Variants in PSD2 observed in about 807,000 individuals in gnomAD.
PSD2 encodes the protein PH and SEC7 domain-containing protein 2.
PSD2 carries 38 observed loss-of-function variants against 69.8 expected under a neutral mutation model. The ratio of observed to expected loss-of-function variants is 0.54; its 90% CI spans 0.42 to 0.71. PSD2 has a LOEUF of 0.71. Among genes scored for constraint, PSD2 ranks in the 30% least tolerant of loss-of-function variants. The pLI is 0.00. For synonymous variants in PSD2, 412 were observed against 423.0 expected (o/e 0.97, Z 0.32); for missense variants, 943 against 1,014.5 (o/e 0.93, Z 0.96).
At chr5:139,785,996 G>A in the PSD2 span, among the ~76,000 whole-genome samples, 1 of 152,164 alleles carries the variant, frequency 6.6e-6, no homozygotes, top group African/African-American at 2.4e-5. Context: ...GGCTGAGGCA[G>A]GAGGATCCCT....
chr5:139,832,626 A>G (rs1760623326), intron 7 of PSD2, among the ~76,000 whole-genome samples: 1 of 152,206 alleles, frequency 6.6e-6, no homozygotes. Flanking sequence ...CTATTATGAA[A>G]TCTTTTTTTG....
chr5:139,824,061 C>A (rs1042682889), intron 7 of PSD2, among the ~76,000 whole-genome samples: 30 of 152,364 alleles, frequency 2.0e-4, no homozygotes, highest in Non-Finnish European at 3.8e-4. Flanking sequence ...AGCCCATGAG[C>A]CTGCTGCTGT....
intron 1 of PSD2, among the ~76,000 whole-genome samples, chr5:139,800,935 C>T (rs946310588): frequency 2.6e-5 from 4 of 152,076 alleles, no homozygotes; most frequent in African/African-American, 9.7e-5. Flanking sequence ...CTGGGCACGG[C>T]GGCTCACACC....
chr5:139,752,937 G>A, the PSD2 span, among the ~76,000 whole-genome samples: 2 of 107,652 alleles, frequency 1.9e-5, no homozygotes, highest in Non-Finnish European at 3.8e-5. Context: ...CAACCCCTCC[G>A]CCCCCTACCC....
In PSD2 at chr5:139,843,782, C is replaced by G. The variant is rs1466079943; in HGVS notation, c.*1308C>G. 1 of 152,232 alleles carries G rather than the reference C, an allele frequency of 6.6e-6. No homozygotes were observed. Among genetic ancestry groups the G allele is most frequent in the Non-Finnish European group, 1.5e-5 (1 of 68,050 alleles). 9.4% of individuals were successfully genotyped at this position (152,232 alleles called of 1,614,324 possible). A position where few individuals can be genotyped will look rare whatever the true frequency, so the allele number is the denominator to read the frequency against. Reference sequence around the variant, plus strand: ...GATTAGCTAGCACCTTTAAGCCCTGCATTTCTCCAACTGACAAGTGGGTGG... The same window carrying G: ...GATTAGCTAGCACCTTTAAGCCCTGGATTTCTCCAACTGACAAGTGGGTGG... On this transcript the variant is annotated 3_prime_UTR_variant, in exon 15 of 15. Coordinates refer to ENST00000274710, the MANE Select transcript of PSD2 (RefSeq NM_032289.4).
In PSD2 at chr5:139,814,110, C is replaced by T. The variant is rs981652555; in HGVS notation, c.822-60C>T. 88 of 1,559,640 alleles carry T rather than the reference C, an allele frequency of 5.6e-5. No individual in the cohort carries two copies. The highest frequency in any genetic ancestry group is 7.5e-5 in the Non-Finnish European group (86 of 1,141,856). ...TGGCCTGGGGAAACCTCCCAGCCTC[C>T]TCTGGGGCCTTTGACCCTGGGCCTC... is the stretch of plus-strand genomic sequence containing the variant. On this transcript the variant is annotated intron_variant, in intron 3 of 14. Transcript: ENST00000274710. This position sits in a 1 kb window ranked among gnomAD's most constrained non-coding sequence, Gnocchi z 4.4.
intron 6 of PSD2, 86 bp from the exon 7 acceptor site, chr5:139,822,640 A>G: frequency 1.6e-6 from 2 of 1,246,178 alleles, no homozygotes; most frequent in Non-Finnish European, 2.2e-6. Flanking sequence ...CTCTGTGTCC[A>G]AGGTCTCCTG....
intron 5 of PSD2, among the ~76,000 whole-genome samples, chr5:139,818,376 C>A (rs1760177370): frequency 6.6e-6 from 1 of 152,098 alleles, no homozygotes; most frequent in Non-Finnish European, 1.5e-5. Flanking sequence ...GAGGCCCAGT[C>A]TCTACAAAAA....
At chr5:139,787,769 T>C in the PSD2 span, among the ~76,000 whole-genome samples, 1 of 152,128 alleles carries the variant, frequency 6.6e-6, no homozygotes, top group Non-Finnish European at 1.5e-5. Context: ...CGTGAACTCC[T>C]CTCAATTCTC....
intron 7 of PSD2, 86 bp downstream of exon 7, chr5:139,822,870 A>C: frequency 8.3e-7 from 1 of 1,201,456 alleles, no homozygotes; most frequent in Non-Finnish European, 1.1e-6. Flanking sequence ...GAGATCTCTT[A>C]CTCAGTGGCC....
At chr5:139,807,905 C>T (rs1420602403) in intron 1 of PSD2, among the ~76,000 whole-genome samples, 1 of 152,252 alleles carries the variant, frequency 6.6e-6, no homozygotes, top group Non-Finnish European at 1.5e-5. Context: ...CCTGTAGCTT[C>T]TGGTTCGGGA....
chr5:139,810,717 C>A (rs1179828346), intron 2 of PSD2, among the ~76,000 whole-genome samples: 1 of 152,166 alleles, frequency 6.6e-6, no homozygotes, highest in African/African-American at 2.4e-5. Context: ...GAGTATGTGT[C>A]TGTGGCACTG....
chr5:139,761,889 G>C, the PSD2 span, among the ~76,000 whole-genome samples: 4 of 152,098 alleles, frequency 2.6e-5, no homozygotes, highest in Admixed American at 6.5e-5. Context: ...TACCAGGCAG[G>C]GCTCTGGAAG....
At chr5:139,817,392 C>T (rs959312575) in intron 4 of PSD2, 89 bp from the exon 5 acceptor site, 15 of 1,110,446 alleles carry the variant, frequency 1.4e-5, no homozygotes, top group South Asian at 6.3e-5. Flanking sequence ...TGGGTGGGTC[C>T]GGGTACCCTG....
the PSD2 span, among the ~76,000 whole-genome samples, chr5:139,766,902 TCCCTC>T: frequency 0.041 from 3,122 of 76,634 alleles, 357 homozygotes; most frequent in Non-Finnish European, 0.051. Flanking sequence ...TTTCCCTCTT[TCCCTC>T]CCTTCCTTCC....
At chr5:139,770,133 C>T in the PSD2 span, among the ~76,000 whole-genome samples, 1 of 152,158 alleles carries the variant, frequency 6.6e-6, no homozygotes, top group Non-Finnish European at 1.5e-5. Flanking sequence ...CAGCAAGACT[C>T]AAAGTGAGTG....
chr5:139,826,738 G>A (rs1044679600), intron 7 of PSD2, among the ~76,000 whole-genome samples: 4 of 152,172 alleles, frequency 2.6e-5, no homozygotes, highest in Non-Finnish European at 5.9e-5. Flanking sequence ...AGGGTCCAGG[G>A]TGGATTTGAA....
intron 2 of PSD2, among the ~76,000 whole-genome samples, chr5:139,810,783 T>C (rs1759937795): frequency 6.6e-6 from 1 of 152,144 alleles, no homozygotes; most frequent in Admixed American, 6.5e-5. Context: ...GGCAGCCCCA[T>C]AGCTGGCAGT....
rs1016820117 is a variant in PSD2 at position 139,839,190 on chromosome 5, A to G, written c.1968+418A>G. On this transcript the variant is annotated intron_variant, in intron 13 of 14. Coordinates refer to ENST00000274710, the MANE Select transcript of PSD2 (RefSeq NM_032289.4). This position sits in a 1 kb window ranked among gnomAD's most constrained non-coding sequence, Gnocchi z 5.1. ...TTTATTTGTAATCCTAGAAAACCCA[A>G]CACACCCATGCTGCAGGTTCTCAGG... is the stretch of plus-strand genomic sequence containing the variant. 1.3e-5 allele frequency among the ~76,000 whole-genome samples: 2 copies of G among 152,226 alleles called. No homozygotes were observed. Among genetic ancestry groups the G allele is most frequent in the Non-Finnish European group, 2.9e-5 (2 of 68,038 alleles).
Sources: gnomAD v4.1 joint callset for allele counts (sites outside exome capture counted in the v4.1 genomes callset) on GRCh38, gnomAD v4.1.1 for gene constraint, Gnocchi (gnomAD v3.1) non-coding constraint, MANE v1.5 for transcripts, NCBI Gene and HGNC (gene_info 2026-07-23, HGNC 2026-07-21) for gene names.